Variants in ZNF521 observed in about 807,000 individuals in gnomAD.
ZNF521 encodes LYST-interacting protein 3.
In ZNF521, 14 loss-of-function variants were observed where a neutral mutation model predicts 105.5. The observed-to-expected ratio is 0.13, with a 90% CI of 0.09 to 0.21. ZNF521 has a LOEUF of 0.21. Ranked by LOEUF, ZNF521 falls within the 10% of genes least tolerant of loss-of-function variation. The pLI, the probability that ZNF521 is intolerant of heterozygous loss-of-function variation, is 1.00. For synonymous variants in ZNF521, 635 were observed against 606.0 expected, an observed-to-expected ratio of 1.05 and a Z score of -0.70; for missense variants, 1,233 against 1,629.7, an observed-to-expected ratio of 0.76 and a Z score of 4.19.
At chr18:25,103,988 C>A (rs2034022109) in intron 5 of ZNF521, among the ~76,000 whole-genome samples, 1 of 151,950 alleles carries the variant, frequency 6.6e-6, no homozygotes, top group Non-Finnish European at 1.5e-5. Context: ...AAGGGCCCAA[C>A]AAAAACCATG....
At chr18:25,198,806 C>A (rs2035943937) in intron 4 of ZNF521, among the ~76,000 whole-genome samples, 1 of 151,788 alleles carries the variant, frequency 6.6e-6, no homozygotes, top group South Asian at 2.1e-4. Flanking sequence ...AGATATTCAC[C>A]ATTTTGCAAT....
intron 4 of ZNF521, among the ~76,000 whole-genome samples, chr18:25,222,589 T>G (rs1190386646): frequency 6.6e-6 from 1 of 152,174 alleles, no homozygotes; most frequent in Non-Finnish European, 1.5e-5. Context: ...ATGCAGTCAT[T>G]TAAAATCAAC....
At chr18:25,109,392 C>T (rs1026076323) in intron 5 of ZNF521, among the ~76,000 whole-genome samples, 5 of 152,180 alleles carry the variant, frequency 3.3e-5, no homozygotes, top group Non-Finnish European at 5.9e-5. Context: ...TGCTTTGCCA[C>T]TGTGACTAGT....
At chr18:25,167,188 C>G (rs567801251) in intron 5 of ZNF521, among the ~76,000 whole-genome samples, 14 of 152,256 alleles carry the variant, frequency 9.2e-5, no homozygotes, top group East Asian at 7.7e-4. Flanking sequence ...GAAAGTTCAC[C>G]TGGAAGCCCT....
rs576088247 is a variant in ZNF521, at chr18:25,219,983, C to T, written c.3573+4362G>A. On this transcript the variant is annotated intron_variant, in intron 4 of 7. Transcript: ENST00000361524. The stretch of plus-strand genomic sequence containing the variant: ...GTTCCCACCAGCTCCCAAAGGTCCC[C>T]TCCTGTCCCTTGGATACACTATTTG... Among the ~76,000 whole-genome samples the T allele has an allele frequency of 3.3e-5, 5 of 152,284 alleles. No homozygotes were observed. In the South Asian group the frequency reaches 1.0e-3, roughly 32 times the overall value.
chr18:25,103,394 C>T (rs1219386350), intron 5 of ZNF521, among the ~76,000 whole-genome samples: 1 of 152,128 alleles, frequency 6.6e-6, no homozygotes, highest in Non-Finnish European at 1.5e-5. Context: ...TTTCTTAATT[C>T]TATTCTGCCT....
chr18:25,108,365 T>G (rs2034115148), intron 5 of ZNF521, among the ~76,000 whole-genome samples: 1 of 152,226 alleles, frequency 6.6e-6, no homozygotes. Flanking sequence ...AAGTTGTTTT[T>G]GGGGTTACAC....
intron 2 of ZNF521, among the ~76,000 whole-genome samples, chr18:25,350,033 C>G (rs1348942674): frequency 6.6e-6 from 1 of 151,804 alleles, no homozygotes; most frequent in African/African-American, 2.4e-5. Context: ...GTGGAGGAGG[C>G]GGCCGAGGAG....
intron 7 of ZNF521, among the ~76,000 whole-genome samples, chr18:25,072,210 A>C (rs1004344841): frequency 2.0e-5 from 3 of 152,256 alleles, no homozygotes; most frequent in Admixed American, 6.5e-5. Flanking sequence ...TCTTCAGAAG[A>C]CTAAGCAAAG....
At chr18:25,327,106 G>A (rs1913262341) in intron 2 of ZNF521, among the ~76,000 whole-genome samples, 1 of 152,102 alleles carries the variant, frequency 6.6e-6, no homozygotes, top group African/African-American at 2.4e-5. Context: ...TAAAGAAAAA[G>A]TGGCCCCAAC....
At chr18:25,310,269 C>T (rs1333729191) in intron 3 of ZNF521, among the ~76,000 whole-genome samples, 1 of 152,118 alleles carries the variant, frequency 6.6e-6, no homozygotes, top group Non-Finnish European at 1.5e-5. Context: ...TACATGCCTA[C>T]TATACACATA....
At chr18:25,325,934 T>A (rs999682383) in intron 2 of ZNF521, among the ~76,000 whole-genome samples, 1 of 152,202 alleles carries the variant, frequency 6.6e-6, no homozygotes, top group East Asian at 1.9e-4. Context: ...TTCATAAGAA[T>A]TGTTATTGCT....
At chr18:25,350,624 T>C (rs1914696196) in intron 2 of ZNF521, among the ~76,000 whole-genome samples, 1 of 151,698 alleles carries the variant, frequency 6.6e-6, no homozygotes, top group East Asian at 1.9e-4. Flanking sequence ...TTTCGTTTCT[T>C]TCTCTCTCTC....
chr18:25,241,476 C>T (rs1191477102), intron 3 of ZNF521, among the ~76,000 whole-genome samples: 2 of 152,118 alleles, frequency 1.3e-5, no homozygotes, highest in South Asian at 4.1e-4. Flanking sequence ...GGGAACAATG[C>T]AAACATGCTC....
At chr18:25,107,953 G>T (rs960960213) in intron 5 of ZNF521, among the ~76,000 whole-genome samples, 1 of 152,230 alleles carries the variant, frequency 6.6e-6, no homozygotes, top group African/African-American at 2.4e-5. Flanking sequence ...ATTTGTCATG[G>T]TACAACATGC....
At chr18:25,291,437 C>T (rs146362182) in intron 3 of ZNF521, among the ~76,000 whole-genome samples, 1 of 152,162 alleles carries the variant, frequency 6.6e-6, no homozygotes, top group East Asian at 1.9e-4. Context: ...TTGCTATTGT[C>T]ACTCATAGGT....
At position 25,296,182 on chromosome 18, in the gene ZNF521, A is replaced by G. The variant is rs550784299; in HGVS notation, c.220+25826T>C. ...TTTTATTTAATTCCCTTTTATTCCT[A>G]TAAATTTACAAAATTCTATGTAGCT... On this transcript the variant is annotated intron_variant, in intron 3 of 7. Coordinates refer to ENST00000361524, the MANE Select transcript of ZNF521 (RefSeq NM_015461.3). 9.0e-4 allele frequency among the ~76,000 whole-genome samples: 137 copies of G among 152,276 alleles called. 1 individual carries two copies. The highest frequency in any genetic ancestry group is 8.7e-3 in the South Asian group (42 of 4,822).
At chr18:25,315,421 C>T (rs544274483) in intron 3 of ZNF521, 1 of 152,348 alleles carries the variant, frequency 6.6e-6, no homozygotes, top group South Asian at 2.1e-4. Context: ...GTCACCACGT[C>T]CTTTGCTATC....
chr18:25,203,081 C>G (rs1432162125), intron 4 of ZNF521, among the ~76,000 whole-genome samples: 1 of 152,170 alleles, frequency 6.6e-6, no homozygotes. Flanking sequence ...TCCCTAAACT[C>G]AAGGCATTAC....
Sources: gnomAD v4.1 joint callset for allele counts (sites outside exome capture counted in the v4.1 genomes callset) on GRCh38, gnomAD v4.1.1 for gene constraint, MANE v1.5 for transcripts, NCBI Gene and HGNC (gene_info 2026-07-23, HGNC 2026-07-21) for gene names.